ANKS6: variants seen among roughly 807,000 people sequenced by gnomAD.
The protein encoded by ANKS6 is ankyrin repeat and sterile alpha motif domain containing 6.
A neutral mutation model predicts 77.9 loss-of-function variants in ANKS6; 47 were observed. The ratio of observed to expected loss-of-function variants is 0.60; its 90% confidence interval spans 0.48 to 0.77. The LOEUF is 0.77. Among genes scored for constraint, ANKS6 ranks in the 30% least tolerant of loss-of-function variants. The pLI, the probability that ANKS6 is intolerant of heterozygous loss-of-function variation, is 0.00. For missense variants in ANKS6, 1,150 were observed against 1,159.1 expected, an observed-to-expected ratio of 0.99 and a Z score of 0.11; for synonymous variants, 488 against 501.7, an observed-to-expected ratio of 0.97 and a Z score of 0.37.
At chr9:98,749,921 C>A (rs117067952) in intron 13 of ANKS6, among the ~76,000 whole-genome samples, 10 of 152,192 alleles carry the variant, frequency 6.6e-5, no homozygotes, top group African/African-American at 2.4e-4. Flanking sequence ...CTCACTGGAA[C>A]GTTCTAAACC....
Position 98,773,987 on chromosome 9 carries a change from TC to T in ANKS6, c.1710del (p.Trp570Ter). 1 of 1,520,348 alleles carries T rather than the reference TC, an allele frequency of 6.6e-7. No individual in the cohort carries two copies. Among genetic ancestry groups the T allele is most frequent in the Non-Finnish European group, 8.9e-7 (1 of 1,128,482 alleles). The allele number at this position is 1,520,348 out of a possible 1,614,324, so 94.2% of individuals were successfully genotyped here. Reference protein sequence around the residue: ...PFLPPSSFELWSSDRSRTRHN... With the variant: ...PFLPPSSFELXSSDRSRTRHN... The stretch of plus-strand genomic sequence containing the variant: ...TGACGCGTCCGGGACCGATCAGAGC[TC>T]CACAGCTCAAAACTGGAAGGGGGTA... On this transcript the variant is annotated frameshift_variant, in exon 9 of 15. Coordinates refer to ENST00000353234, the MANE Select transcript of ANKS6 (RefSeq NM_173551.5). LOFTEE classifies it high-confidence loss of function.
Position 98,768,223 on chromosome 9 carries a change from TG to T in ANKS6, c.1999del (p.Gln667LysfsTer112). 1.2e-6 allele frequency: 2 copies of T among 1,614,122 alleles called. No individual in the cohort carries two copies. Among genetic ancestry groups the T allele is most frequent in the Non-Finnish European group, 1.7e-6 (2 of 1,180,032 alleles). On this transcript the variant is annotated frameshift_variant, in exon 11 of 15. Transcript: ENST00000353234. LOFTEE classifies it high-confidence loss of function. The part of the protein sequence containing the change: ...SGGSIDNVLS[Q>X]IAAQRKKAAG... ...TGCTTTTTTCCTCTGGGCAGCGATT[TG>T]GGACAAGACATTGTCTATGCTGCCA...
Position 98,733,754 on chromosome 9 carries a change from T to A in ANKS6, c.*2765A>T, listed in dbSNP as rs568333814. Reference sequence around the variant, plus strand: ...GGTTGTGAGAGGCCTGTAGCAAAGATGATCGTGTAGCTCGCTTTAGTGTCT... The same window carrying A: ...GGTTGTGAGAGGCCTGTAGCAAAGAAGATCGTGTAGCTCGCTTTAGTGTCT... On this transcript the variant is annotated 3_prime_UTR_variant, in exon 15 of 15. Transcript: ENST00000353234. 27 of 985,542 alleles carry A rather than the reference T, an allele frequency of 2.7e-5. No homozygotes were observed. In the East Asian group the frequency reaches 3.1e-3, roughly 112 times the overall value. The allele number at this position is 985,542 out of a possible 1,614,324, so 61.0% of individuals were successfully genotyped here.
At chr9:98,783,465 G>A (rs1199561060) in intron 4 of ANKS6, 2 of 152,254 alleles carry the variant, frequency 1.3e-5, no homozygotes, top group Non-Finnish European at 2.9e-5. Context: ...CTGCTGGGAT[G>A]ATCACATAAG....
At chr9:98,780,057 A>T in intron 6 of ANKS6, 132 bp downstream of exon 6, 1 of 1,279,300 alleles carries the variant, frequency 7.8e-7, no homozygotes, top group East Asian at 2.5e-5. Context: ...CTATTGCTCA[A>T]TGCCAGCTCA....
chr9:98,732,778 A>G lies in ANKS6; in HGVS notation c.*3741T>C. ...CTCAACATCACGCAGCACTAGGTCTATGTCCAGTGCTCTTTCCAGGGTAAC... is the reference window on the plus strand; with the variant it reads ...CTCAACATCACGCAGCACTAGGTCTGTGTCCAGTGCTCTTTCCAGGGTAAC... On this transcript the variant is annotated 3_prime_UTR_variant, in exon 15 of 15. Transcript: ENST00000353234. 1 of 1,393,752 alleles carries G rather than the reference A, an allele frequency of 7.2e-7. No individual in the cohort carries two copies. The highest frequency in any genetic ancestry group is 9.3e-7 in the Non-Finnish European group (1 of 1,075,486). 86.3% of individuals were successfully genotyped at this position (1,393,752 alleles called of 1,614,324 possible). A position where few individuals can be genotyped will look rare whatever the true frequency, so the allele number is the denominator to read the frequency against.
intron 11 of ANKS6, among the ~76,000 whole-genome samples, chr9:98,764,191 A>G (rs78551535): frequency 0.032 from 4,841 of 152,188 alleles, 107 homozygotes; most frequent in South Asian, 0.08. Context: ...GATTTGCATG[A>G]TTTCTGACAA....
At chr9:98,737,293 T>C (rs1460696015) in intron 14 of ANKS6, among the ~76,000 whole-genome samples, 1 of 152,136 alleles carries the variant, frequency 6.6e-6, no homozygotes, top group African/African-American at 2.4e-5. Context: ...ACTGTCGCTG[T>C]TTGCTGATGA....
Position 98,756,583 on chromosome 9 carries a change from C to T in ANKS6, c.2163G>A (p.Arg721=), listed in dbSNP as rs1832721274. The stretch of plus-strand genomic sequence containing the variant: ...AGGTAGTGGAAGTTCCAGATGGAGG[C>T]CTTTTGCTGGTCTCCAATTTCTGCT... The part of the protein sequence containing the change: ...PVGKKLETSK[R]PPSGTSTTSK... The change falls in exon 12 of 15, where the codon AGG becomes AGA. Residue 721 remains arginine, a synonymous_variant. Transcript: ENST00000353234. 4.5e-6 allele frequency: 7 copies of T among 1,543,188 alleles called. No individual in the cohort carries two copies. Among genetic ancestry groups the T allele is most frequent in the Middle Eastern group, 1.7e-4 (1 of 5,722 alleles).
At chr9:98,755,174 G>GTGCAGCTTAGTACAACTTAGTAC (rs1832627227) in intron 12 of ANKS6, among the ~76,000 whole-genome samples, 1 of 152,188 alleles carries the variant, frequency 6.6e-6, no homozygotes, top group Non-Finnish European at 1.5e-5. Context: ...GTACAGACTA[G>GTGCAGCTTAGTACAACTTAGTAC]AGCCTGTGCA....
In ANKS6 at chr9:98,778,250, C is replaced by T; in HGVS notation, c.1543G>A (p.Ala515Thr). ...DKTSRSALPD[A>T]APVTKDNGPG... ...CCATTGTCTTTGGTCACAGGGGCCG[C>T]ATCAGGGAGTGCAGAGCGGCTTGTC... The change falls in exon 7 of 15, where the codon GCG (alanine) becomes ACG (threonine). Residue 515 changes from alanine (A) to threonine (T), a missense_variant. Ala to Thr is a moderately conservative substitution (Grantham distance 58). Transcript: ENST00000353234. 6.2e-7 allele frequency: 1 copy of T among 1,614,240 alleles called. No individual in the cohort carries two copies. The highest frequency in any genetic ancestry group is 8.5e-7 in the Non-Finnish European group (1 of 1,180,046).
chr9:98,740,673 G>T (rs1158458356), intron 14 of ANKS6, among the ~76,000 whole-genome samples: 2 of 152,238 alleles, frequency 1.3e-5, no homozygotes, highest in Non-Finnish European at 2.9e-5. Flanking sequence ...TTAGGAGGGA[G>T]CTGTAGATGA....
In ANKS6 at chr9:98,790,620, G is replaced by A; in HGVS notation, c.360-14C>T. The A allele has an allele frequency of 6.3e-7, 1 of 1,591,670 alleles. No homozygotes were observed. Among genetic ancestry groups the A allele is most frequent in the Non-Finnish European group, 8.6e-7 (1 of 1,163,220 alleles). ...ACATGCCCAAATCTGCCAGGAAGAT[G>A]GAGAATTAGTGACACTGAACACACA... On this transcript the variant is annotated splice_polypyrimidine_tract_variant and intron_variant, in intron 1 of 14. Coordinates refer to ENST00000353234, the MANE Select transcript of ANKS6 (RefSeq NM_173551.5).
intron 9 of ANKS6, among the ~76,000 whole-genome samples, chr9:98,773,377 G>A (rs1403958393): frequency 6.6e-6 from 1 of 152,170 alleles, no homozygotes; most frequent in Non-Finnish European, 1.5e-5. Flanking sequence ...CTTCCACACT[G>A]ATGAGACTGT....
chr9:98,742,911 A>G (rs996060202), intron 14 of ANKS6, among the ~76,000 whole-genome samples: 3 of 152,188 alleles, frequency 2.0e-5, no homozygotes, highest in African/African-American at 7.2e-5. Context: ...AAACTTTAAG[A>G]ACAATGTCCT....
intron 9 of ANKS6, 86 bp from the exon 10 acceptor site, chr9:98,771,132 C>G: frequency 7.4e-7 from 1 of 1,359,896 alleles, no homozygotes. Flanking sequence ...TTCCTGTGCT[C>G]AGCTGGTGCA....
chr9:98,752,429 C>T (rs1471068183), intron 12 of ANKS6, among the ~76,000 whole-genome samples: 4 of 152,060 alleles, frequency 2.6e-5, no homozygotes, highest in African/African-American at 9.7e-5. Flanking sequence ...CCCTCCTTCC[C>T]TCCCTCTTTC....
intron 1 of ANKS6, among the ~76,000 whole-genome samples, chr9:98,794,830 TCA>T (rs761478602): frequency 6.6e-6 from 1 of 152,114 alleles, no homozygotes; most frequent in Non-Finnish European, 1.5e-5. Context: ...GAGCCTCTTC[TCA>T]CACAGAGTCC....
Position 98,733,176 on chromosome 9 carries a change from A to G in ANKS6, c.*3343T>C. On this transcript the variant is annotated 3_prime_UTR_variant, in exon 15 of 15. Transcript: ENST00000353234. ...CGTACGAGTAGGGCTGGCACAGGGTAGATGCTCAGTAAACGTTCGGTAAAC... is the reference window on the plus strand; with the variant it reads ...CGTACGAGTAGGGCTGGCACAGGGTGGATGCTCAGTAAACGTTCGGTAAAC... 1 of 980,428 alleles carries G rather than the reference A, an allele frequency of 1.0e-6. No homozygotes were observed. Among genetic ancestry groups the G allele is most frequent in the Non-Finnish European group, 1.2e-6 (1 of 825,388 alleles). The allele number at this position is 980,428 out of a possible 1,614,324, so 60.7% of individuals were successfully genotyped here.
Sources: gnomAD v4.1 joint callset for allele counts (sites outside exome capture counted in the v4.1 genomes callset) on GRCh38, gnomAD v4.1.1 for gene constraint, MANE v1.5 for transcripts, NCBI Gene and HGNC (gene_info 2026-07-23, HGNC 2026-07-21) for gene names.